SMPDL3B: variants seen among roughly 807,000 people sequenced by gnomAD.
The protein encoded by SMPDL3B is acid sphingomyelinase-like phosphodiesterase 3b.
A neutral mutation model predicts 37.9 loss-of-function variants in SMPDL3B; 31 were observed. The observed-to-expected ratio is 0.82, with a 90% CI of 0.61 to 1.10. SMPDL3B has a LOEUF of 1.10. Among genes scored for constraint, SMPDL3B ranks in the 50% least tolerant of loss-of-function variants. The probability of loss-of-function intolerance (pLI) is 0.00; values close to 1 mark genes in which losing one functional copy is unlikely to be tolerated. For missense variants in SMPDL3B, 525 were observed against 597.8 expected (o/e 0.88, Z 1.27); for synonymous variants, 235 against 242.6 (o/e 0.97, Z 0.29).
intron 1 of SMPDL3B, chr1:27,942,351 G>A (rs759326326): frequency 3.4e-5 from 16 of 470,978 alleles, no homozygotes; most frequent in Non-Finnish European, 4.8e-5. Flanking sequence ...GCCTGGCTCC[G>A]GGCTTGGAAG....
chr1:27,940,201 C>T (rs1034746737), intron 1 of SMPDL3B, among the ~76,000 whole-genome samples: 1 of 152,178 alleles, frequency 6.6e-6, no homozygotes, highest in African/African-American at 2.4e-5. Flanking sequence ...GCGCTGTGCC[C>T]ACCAGTCCTC....
intron 1 of SMPDL3B, among the ~76,000 whole-genome samples, chr1:27,939,916 C>T (rs2090343314): frequency 6.6e-6 from 1 of 152,030 alleles, no homozygotes; most frequent in Non-Finnish European, 1.5e-5. Flanking sequence ...CTGGGATTAC[C>T]GGTGTGAGCC....
chr1:27,949,671 G>A (rs1276845265), intron 3 of SMPDL3B, among the ~76,000 whole-genome samples: 1 of 152,156 alleles, frequency 6.6e-6, no homozygotes, highest in Non-Finnish European at 1.5e-5. Context: ...GCAGCCCTAC[G>A]GGACACTATA....
intron 2 of SMPDL3B, among the ~76,000 whole-genome samples, chr1:27,947,663 T>TC (rs2090422570): frequency 6.7e-6 from 1 of 149,374 alleles, no homozygotes; most frequent in Admixed American, 6.6e-5. Context: ...GTTTTTTTTT[T>TC]TTAAGATGGA....
intron 2 of SMPDL3B, among the ~76,000 whole-genome samples, chr1:27,947,173 A>G (rs1301061276): frequency 6.6e-6 from 1 of 151,552 alleles, no homozygotes; most frequent in Admixed American, 6.6e-5. Context: ...AGTAGCTGGG[A>G]TTACAGGCAT....
intron 3 of SMPDL3B, among the ~76,000 whole-genome samples, chr1:27,951,803 C>T (rs537113387): frequency 4.6e-5 from 7 of 152,286 alleles, no homozygotes; most frequent in African/African-American, 1.2e-4. Flanking sequence ...GAGCTATGAT[C>T]GTGCCACTGC....
At chr1:27,937,540 A>G (rs1023162355) in intron 1 of SMPDL3B, among the ~76,000 whole-genome samples, 2 of 152,230 alleles carry the variant, frequency 1.3e-5, no homozygotes, top group Non-Finnish European at 2.9e-5. Flanking sequence ...TGCTAGCCTT[A>G]ATAGCAAAGG....
chr1:27,937,065 G>A (rs1571644408), intron 1 of SMPDL3B, among the ~76,000 whole-genome samples: 2 of 152,026 alleles, frequency 1.3e-5, no homozygotes, highest in South Asian at 2.1e-4. Context: ...AAGGAATTCC[G>A]CAGCACCTGT....
Position 27,956,447 on chromosome 1 carries a change from C to T in SMPDL3B, c.1005+365C>T, listed in dbSNP as rs139046638. 1.9e-4 allele frequency: 242 copies of T among 1,270,518 alleles called. 3 individuals carry two copies. The African/African-American group carries it at 3.4e-3, about 18-fold the overall frequency. The allele number at this position is 1,270,518 out of a possible 1,614,324, so 78.7% of individuals were successfully genotyped here. A position where few individuals can be genotyped will look rare whatever the true frequency, so the allele number is the denominator to read the frequency against. On this transcript the variant is annotated intron_variant, in intron 7 of 7. Transcript: ENST00000373894. ...AAAACCTTCAGTGGCTCCCCAGTGC[C>T]TTCAAGATAAAGTTGTGTCTCCTTG...
intron 2 of SMPDL3B, 129 bp from the exon 3 acceptor site, chr1:27,948,936 C>A: frequency 6.6e-7 from 1 of 1,525,234 alleles, no homozygotes; most frequent in Non-Finnish European, 8.9e-7. Flanking sequence ...CTAGCCTGGC[C>A]ATTCCCCCTC....
chr1:27,954,509 T>A lies in SMPDL3B; in HGVS notation c.673T>A (p.Ser225Thr). The A allele has an allele frequency of 6.2e-7, 1 of 1,613,860 alleles. No individual in the cohort carries two copies. Among genetic ancestry groups the A allele is most frequent in the Non-Finnish European group, 8.5e-7 (1 of 1,179,994 alleles). ...GCTGGAAGATGTGCTGACCGATGCA[T>A]CCAAAGCTGGGGACATGGTAAGAGG... ...QWLEDVLTDA[S>T]KAGDMVYIVG... The change falls in exon 5 of 8, where the codon TCC (serine) becomes ACC (threonine). Residue 225 changes from serine to threonine, a missense_variant. Ser to Thr is a moderately conservative substitution (Grantham distance 58). Transcript: ENST00000373894.
chr1:27,935,173 G>T lies in SMPDL3B; in HGVS notation c.-11G>T. The T allele has an allele frequency of 3.1e-6, 5 of 1,612,444 alleles. No individual in the cohort carries two copies. Among genetic ancestry groups the T allele is most frequent in the Non-Finnish European group, 4.2e-6 (5 of 1,178,514 alleles). ...GAGAATCCCACGGCTCTGGGGAAGT[G>T]AGCCCCGAGGATGAGGCTGCTCGCC... On this transcript the variant is annotated 5_prime_UTR_variant, in exon 1 of 8. Coordinates refer to ENST00000373894, the MANE Select transcript of SMPDL3B (RefSeq NM_014474.4).
chr1:27,948,498 T>G (rs1211977931), intron 2 of SMPDL3B, among the ~76,000 whole-genome samples: 2 of 152,118 alleles, frequency 1.3e-5, no homozygotes, highest in Non-Finnish European at 2.9e-5. Context: ...CCAAGAATTT[T>G]GATTCATGGC....
At chr1:27,954,154 G>A (rs780518277) in intron 4 of SMPDL3B, among the ~76,000 whole-genome samples, 200 bp from the exon 5 acceptor site, 23 of 152,332 alleles carry the variant, frequency 1.5e-4, no homozygotes, top group Non-Finnish European at 2.4e-4. Context: ...GTTGCACAGC[G>A]AATGAGTTCC....
At chr1:27,950,595 A>C (rs1445630463) in intron 3 of SMPDL3B, among the ~76,000 whole-genome samples, 1 of 152,280 alleles carries the variant, frequency 6.6e-6, no homozygotes, top group East Asian at 1.9e-4. Context: ...TTGGGATTAC[A>C]GGCACACGCC....
intron 1 of SMPDL3B, among the ~76,000 whole-genome samples, chr1:27,938,421 T>C (rs573301473): frequency 8.5e-5 from 13 of 152,354 alleles, no homozygotes; most frequent in Admixed American, 3.9e-4. Flanking sequence ...CTTGCAGAAA[T>C]AACTTACTGC....
At chr1:27,944,518 C>A (rs905520019) in intron 1 of SMPDL3B, among the ~76,000 whole-genome samples, 11 of 152,004 alleles carry the variant, frequency 7.2e-5, no homozygotes, top group Non-Finnish European at 1.5e-4. Context: ...CCACACCCGA[C>A]GAATTTTCTA....
At chr1:27,943,954 C>T (rs1197756886) in intron 1 of SMPDL3B, among the ~76,000 whole-genome samples, 1 of 144,754 alleles carries the variant, frequency 6.9e-6, no homozygotes, top group Non-Finnish European at 1.5e-5. Flanking sequence ...GCAGAGGTTG[C>T]AGTGAGCCGA....
chr1:27,943,087 T>G (rs952462929), intron 1 of SMPDL3B, among the ~76,000 whole-genome samples: 5 of 152,166 alleles, frequency 3.3e-5, no homozygotes, highest in African/African-American at 1.2e-4. Context: ...AAAAGACCCA[T>G]CTAAAATAGA....
Sources: allele counts gnomAD v4.1 joint callset (sites outside exome capture counted in the v4.1 genomes callset), GRCh38; gene constraint gnomAD v4.1.1; transcripts MANE v1.5; gene names NCBI Gene and HGNC (gene_info 2026-07-23, HGNC 2026-07-21).